The following PLEKHG4B variants were observed in gnomAD, a reference collection of about 807,000 sequenced individuals.
The protein encoded by PLEKHG4B is pleckstrin homology and RhoGEF domain containing G4B.
A neutral mutation model predicts 121.3 loss-of-function variants in PLEKHG4B; 111 were observed. That is an observed-to-expected ratio of 0.92 (90% confidence interval 0.78 to 1.07). The LOEUF is 1.07. Ranked by LOEUF, PLEKHG4B falls within the 50% of genes least tolerant of loss-of-function variation. The pLI, the probability that PLEKHG4B is intolerant of heterozygous loss-of-function variation, is 0.00. For synonymous variants in PLEKHG4B, 738 were observed against 725.0 expected, an observed-to-expected ratio of 1.02 and a Z score of -0.29; for missense variants, 1,831 against 1,757.8, an observed-to-expected ratio of 1.04 and a Z score of -0.74.
At chr5:109,564 AGCTGG>A (rs141659503) in intron 1 of PLEKHG4B, among the ~76,000 whole-genome samples, 5 of 152,162 alleles carry the variant, frequency 3.3e-5, no homozygotes, top group African/African-American at 1.2e-4. Flanking sequence ...GTGACACAGA[AGCTGG>A]GCTGGGCTGG....
In PLEKHG4B at chr5:182,096, T is replaced by A; in HGVS notation, c.4657T>A (p.Ser1553Thr). 6.2e-7 allele frequency: 1 copy of A among 1,614,084 alleles called. No individual in the cohort carries two copies. The highest frequency in any genetic ancestry group is 1.7e-5 in the Admixed American group (1 of 60,032). ...PHSTISDSST[S>T]SSSSQSSSIL... ...CTCCACCATCTCAGACAGCAGCACC[T>A]CCTCTTCTAGCAGCCAGTCCTCCTC... Residue 1553 changes from serine to threonine, a missense_variant, in exon 20 of 20, where the codon TCC (serine) becomes ACC (threonine). By Grantham distance (58) the Ser-to-Thr change is moderately conservative. Coordinates refer to ENST00000637938, the MANE Select transcript of PLEKHG4B (RefSeq NM_052909.5).
rs113637273 is a variant in PLEKHG4B, at chr5:140,423, G to A, written c.1184G>A (p.Ser395Asn). The change falls in exon 3 of 20, where the codon AGT becomes AAT. Residue 395 changes from serine to asparagine, a missense_variant. Ser to Asn is a conservative substitution (Grantham distance 46). Coordinates refer to ENST00000637938, the MANE Select transcript of PLEKHG4B (RefSeq NM_052909.5). ...GACCTGGGGACTGGGGCAGTAGCCA[G>A]TGGGACCCAGGAGGAAACCTCTGGC... ...SRDLGTGAVA[S>N]GTQEETSGPR... 1.3e-5 allele frequency: 21 copies of A among 1,561,940 alleles called. No individual in the cohort carries two copies. The highest frequency in any genetic ancestry group is 9.5e-5 in the African/African-American group (7 of 73,594).
intron 12 of PLEKHG4B, among the ~76,000 whole-genome samples, chr5:162,292 TGCGAGCTCC>T (rs1337345367): frequency 8.5e-6 from 1 of 118,120 alleles, no homozygotes; most frequent in East Asian, 2.8e-4. Flanking sequence ...ACCGCACGCC[TGCGAGCTCC>T]CCCGCGCCGG....
At chr5:115,757 T>G (rs1341880302) in intron 2 of PLEKHG4B, among the ~76,000 whole-genome samples, 2 of 152,240 alleles carry the variant, frequency 1.3e-5, no homozygotes, top group African/African-American at 4.8e-5. Flanking sequence ...CAAGCTTTTC[T>G]TCTGCAGCTT....
Position 107,433 on chromosome 5 carries a change from CCCTGGCCTT to C in PLEKHG4B, c.46-5814_46-5806del, listed in dbSNP as rs1398659240. Reference sequence around the variant, plus strand: ...TGAGGCCTCCAGCAAGCCTGGACAGCCCTGGCCTTCCTAGGAGGAAGAAGGGGCTGCTAG... The same window carrying C: ...TGAGGCCTCCAGCAAGCCTGGACAGCCCTAGGAGGAAGAAGGGGCTGCTAG... On this transcript the variant is annotated intron_variant, in intron 1 of 19. Transcript: ENST00000637938. Among the ~76,000 whole-genome samples the C allele has an allele frequency of 2.0e-5, 3 of 152,172 alleles. No individual in the cohort carries two copies. In the East Asian group the frequency reaches 5.8e-4, roughly 29 times the overall value.
intron 7 of PLEKHG4B, 47 bp from the exon 8 acceptor site, chr5:154,828 A>AAG: frequency 7.0e-7 from 1 of 1,434,940 alleles, no homozygotes; most frequent in Non-Finnish European, 9.8e-7. Flanking sequence ...GTTTGCCCCC[A>AAG]AGAGATGCAT....
chr5:120,304 A>G lies in PLEKHG4B; in HGVS notation c.243+6856A>G, dbSNP rs552556653. ...CAAAGAGTTGTGATCTCCAACTCTT[A>G]CAGTCTCATGGTCTCAAAATCTCAT... On this transcript the variant is annotated intron_variant, in intron 2 of 19. Coordinates refer to ENST00000637938, the MANE Select transcript of PLEKHG4B (RefSeq NM_052909.5). Among the ~76,000 whole-genome samples, 23 of 152,330 alleles carry G rather than the reference A, an allele frequency of 1.5e-4. No individual in the cohort carries two copies. The South Asian group carries it at 4.8e-3, about 32-fold the overall frequency.
intron 1 of PLEKHG4B, among the ~76,000 whole-genome samples, chr5:94,807 C>T (rs1051986518): frequency 6.6e-6 from 1 of 152,080 alleles, no homozygotes; most frequent in Non-Finnish European, 1.5e-5. Flanking sequence ...GCACATCCAC[C>T]CTCCATGAGC....
chr5:92,552 G>T (rs1193183362), intron 1 of PLEKHG4B, among the ~76,000 whole-genome samples: 1 of 149,290 alleles, frequency 6.7e-6, no homozygotes, highest in Non-Finnish European at 1.5e-5. Context: ...GTGGGAGGGG[G>T]CGCGGGTACC....
intron 11 of PLEKHG4B, among the ~76,000 whole-genome samples, chr5:158,135 G>C (rs1324109433): frequency 6.6e-6 from 1 of 152,032 alleles, no homozygotes; most frequent in Non-Finnish European, 1.5e-5. Context: ...TGTGCCCTCT[G>C]TCCTGGGGGT....
At chr5:151,672 A>C in intron 7 of PLEKHG4B, 73 bp downstream of exon 7, 1 of 984,314 alleles carries the variant, frequency 1.0e-6, no homozygotes, top group Non-Finnish European at 1.5e-6. Flanking sequence ...GAGATGAAAC[A>C]CATGAAGGAA....
chr5:141,401 G>A (rs1008620371), intron 3 of PLEKHG4B, among the ~76,000 whole-genome samples: 1 of 149,666 alleles, frequency 6.7e-6, no homozygotes, highest in African/African-American at 2.5e-5. Context: ...CACCCATCCC[G>A]CCTCTTCCAG....
intron 1 of PLEKHG4B, among the ~76,000 whole-genome samples, chr5:110,575 C>T (rs374668102): frequency 3.7e-4 from 56 of 150,014 alleles, no homozygotes; most frequent in East Asian, 1.4e-3. Flanking sequence ...CTGCAACACA[C>T]GCGCACACAT....
Position 156,584 on chromosome 5 carries a change from G to A in PLEKHG4B, c.2349-189G>A, listed in dbSNP as rs1023985396. On this transcript the variant is annotated intron_variant, in intron 10 of 19. Transcript: ENST00000637938. The surrounding 1 kb of genome is among the most constrained non-coding windows in gnomAD (Gnocchi z 4.4). Reference sequence around the variant, plus strand: ...CCTCCAGGCACCTGCAACCCAGGCCGGCCAGGATGTTGGCAGAACGCATGG... The same window carrying A: ...CCTCCAGGCACCTGCAACCCAGGCCAGCCAGGATGTTGGCAGAACGCATGG... Among the ~76,000 whole-genome samples the A allele has an allele frequency of 1.3e-5, 2 of 151,896 alleles. No individual in the cohort carries two copies. Among genetic ancestry groups the A allele is most frequent in the African/African-American group, 2.4e-5 (1 of 41,354 alleles).
chr5:166,474 G>GATGGGGCGGGGCTCACAGTACTC, intron 13 of PLEKHG4B, among the ~76,000 whole-genome samples: 1 of 94,880 alleles, frequency 1.1e-5, no homozygotes, highest in Non-Finnish European at 2.2e-5. Flanking sequence ...TCACACTAAT[G>GATGGGGCGGGGCTCACAGTACTC]CTCTGACGGG....
intron 1 of PLEKHG4B, among the ~76,000 whole-genome samples, chr5:105,662 GC>G: frequency 6.6e-6 from 1 of 152,340 alleles, no homozygotes; most frequent in Middle Eastern, 3.4e-3. Flanking sequence ...GTTTCATTCA[GC>G]CGTGCTGCTA....
At chr5:98,506 C>T (rs1284497055) in intron 1 of PLEKHG4B, among the ~76,000 whole-genome samples, 1 of 123,246 alleles carries the variant, frequency 8.1e-6, no homozygotes, top group African/African-American at 3.0e-5. Context: ...ACGATCTTGG[C>T]TCACTGCAAA....
rs554670233 is a variant in PLEKHG4B, at chr5:106,407, A to G, written c.46-6844A>G. Among the ~76,000 whole-genome samples, 284 of 152,314 alleles carry G rather than the reference A, an allele frequency of 1.9e-3. 1 individual carries two copies. The highest frequency in any genetic ancestry group is 2.8e-3 in the Non-Finnish European group (190 of 68,032). On this transcript the variant is annotated intron_variant, in intron 1 of 19. Transcript: ENST00000637938. ...TCCTCAGATTAAAATTTTACTGTTT[A>G]GATTTCATGATAGAAATTACCTTCC...
chr5:93,260 C>T (rs1431844585), intron 1 of PLEKHG4B, among the ~76,000 whole-genome samples: 1 of 152,018 alleles, frequency 6.6e-6, no homozygotes, highest in East Asian at 1.9e-4. Context: ...CTCAGCTTCC[C>T]GAAGAGATTT....
Sources: allele counts gnomAD v4.1 joint callset (sites outside exome capture counted in the v4.1 genomes callset), GRCh38; gene constraint gnomAD v4.1.1; non-coding constraint Gnocchi (gnomAD v3.1); transcripts MANE v1.5; gene names NCBI Gene and HGNC (gene_info 2026-07-23, HGNC 2026-07-21).